Variants in LINGO2 observed in about 807,000 individuals in gnomAD.
LINGO2 encodes leucine rich repeat and Ig domain containing 2, also known as leucine-rich repeat and immunoglobulin-like domain-containing nogo receptor-interacting protein 2.
In LINGO2, 14 loss-of-function variants were observed where a neutral mutation model predicts 30.6. The observed-to-expected ratio is 0.46, with a 90% confidence interval of 0.30 to 0.72. The LOEUF (loss-of-function observed/expected upper bound fraction) is 0.72. Among genes scored for constraint, LINGO2 ranks in the 30% least tolerant of loss-of-function variants. The probability of loss-of-function intolerance (pLI) is 0.07; values close to 1 mark genes in which losing one functional copy is unlikely to be tolerated. For synonymous variants in LINGO2, 317 were observed against 288.5 expected (o/e 1.10, Z -1.00); for missense variants, 729 against 751.7 (o/e 0.97, Z 0.35).
At chr9:28,211,170 CA>C (rs1250287394) in intron 4 of LINGO2, among the ~76,000 whole-genome samples, 2 of 151,480 alleles carry the variant, frequency 1.3e-5, no homozygotes, top group Non-Finnish European at 3.0e-5. Context: ...ATGGACTATA[CA>C]AATATACACT....
intron 4 of LINGO2, among the ~76,000 whole-genome samples, chr9:28,192,093 C>A (rs1428249295): frequency 2.0e-5 from 3 of 151,972 alleles, no homozygotes; most frequent in African/African-American, 7.2e-5. Context: ...TATAGACAAA[C>A]CTAAACTCTT....
At chr9:29,144,050 G>A in the LINGO2 span, among the ~76,000 whole-genome samples, 3 of 152,058 alleles carry the variant, frequency 2.0e-5, no homozygotes, top group African/African-American at 7.2e-5. Flanking sequence ...GCTTGTTTTG[G>A]TCAGATTCGT....
rs78889752 is a variant in LINGO2, at chr9:28,646,703, A to G, written c.-365+23497T>C. ...CTCCAGGTCTCCATTGTGATTAAGCAATAATTTCTTATGAAATGTCACCTT... is the reference window on the plus strand; with the variant it reads ...CTCCAGGTCTCCATTGTGATTAAGCGATAATTTCTTATGAAATGTCACCTT... On this transcript the variant is annotated intron_variant, in intron 1 of 5. Transcript: ENST00000379992. Among the ~76,000 whole-genome samples, 1,409 of 152,218 alleles carry G rather than the reference A, an allele frequency of 9.3e-3. 21 individuals are homozygous for G. Among genetic ancestry groups the G allele is most frequent in the South Asian group, 0.018 (89 of 4,818 alleles).
chr9:29,090,179 C>A, the LINGO2 span, among the ~76,000 whole-genome samples: 4 of 152,014 alleles, frequency 2.6e-5, no homozygotes, highest in East Asian at 1.9e-4. Flanking sequence ...GCTAATATAA[C>A]CCCTGCTTGC....
intron 5 of LINGO2, among the ~76,000 whole-genome samples, chr9:28,003,648 A>G (rs1822101425): frequency 6.6e-6 from 1 of 152,228 alleles, no homozygotes; most frequent in South Asian, 2.1e-4. Flanking sequence ...TTTTTAGTAG[A>G]AACGGGGTTT....
At chr9:28,675,924 TACATAC>T in the LINGO2 span, among the ~76,000 whole-genome samples, 4 of 137,736 alleles carry the variant, frequency 2.9e-5, no homozygotes, top group African/African-American at 8.3e-5. Context: ...TATATATATA[TACATAC>T]ACACACACAC....
chr9:28,034,451 C>T (rs1046865856), intron 4 of LINGO2, among the ~76,000 whole-genome samples: 5 of 152,180 alleles, frequency 3.3e-5, no homozygotes, highest in Middle Eastern at 3.4e-3. Context: ...TTGGAGGTTT[C>T]GCACATATTC....
chr9:28,036,184 T>C (rs544927238), intron 4 of LINGO2, among the ~76,000 whole-genome samples: 6 of 152,328 alleles, frequency 3.9e-5, no homozygotes, highest in African/African-American at 1.4e-4. Flanking sequence ...GCTCACCATT[T>C]GTAGGTGAAA....
chr9:29,035,553 C>G, the LINGO2 span, among the ~76,000 whole-genome samples: 1 of 87,046 alleles, frequency 1.1e-5, no homozygotes, highest in African/African-American at 4.4e-5. Flanking sequence ...AAGGTACATT[C>G]CTTCTTCCAG....
intron 2 of LINGO2, among the ~76,000 whole-genome samples, chr9:28,465,345 C>A (rs1005674466): frequency 2.0e-5 from 3 of 152,166 alleles, no homozygotes; most frequent in Admixed American, 2.0e-4. Context: ...CGGCTGAACT[C>A]CTCTCTGACC....
At chr9:28,601,404 A>C (rs766966215) in intron 1 of LINGO2, among the ~76,000 whole-genome samples, 2 of 152,150 alleles carry the variant, frequency 1.3e-5, no homozygotes, top group Non-Finnish European at 2.9e-5. Context: ...GGCCAAGTTG[A>C]TTTACTTCTG....
Position 28,371,483 on chromosome 9 carries a change from C to T in LINGO2, c.-246+1353G>A, listed in dbSNP as rs1820893770. ...AGAGGGGCAAGGTAACTCCCTTGGG[C>T]CTCTTTTATAAGGGCACTAATCCCT... On this transcript the variant is annotated intron_variant, in intron 3 of 5. Transcript: ENST00000379992. 5.9e-5 allele frequency among the ~76,000 whole-genome samples: 9 copies of T among 152,148 alleles called. 1 individual carries two copies. The highest frequency in any genetic ancestry group is 5.9e-4 in the Admixed American group (9 of 15,272).
intron 1 of LINGO2, among the ~76,000 whole-genome samples, chr9:28,641,560 A>C (rs1017637594): frequency 1.3e-5 from 2 of 152,172 alleles, no homozygotes; most frequent in Non-Finnish European, 1.5e-5. Flanking sequence ...AGATTGAGCA[A>C]TTGACTTTTG....
At chr9:27,996,549 G>A (rs1821671082) in intron 5 of LINGO2, among the ~76,000 whole-genome samples, 1 of 152,150 alleles carries the variant, frequency 6.6e-6, no homozygotes, top group Admixed American at 6.5e-5. Context: ...AATCTCTCAT[G>A]TGCAAATTAT....
intron 1 of LINGO2, among the ~76,000 whole-genome samples, chr9:28,496,463 T>G (rs1050479730): frequency 1.3e-5 from 2 of 150,964 alleles, no homozygotes; most frequent in African/African-American, 5.0e-5. Flanking sequence ...GTCTGTTTTA[T>G]CAGATACTAG....
intron 4 of LINGO2, among the ~76,000 whole-genome samples, chr9:28,145,309 A>T (rs1231810434): frequency 6.6e-6 from 1 of 152,194 alleles, no homozygotes; most frequent in Non-Finnish European, 1.5e-5. Flanking sequence ...GACACATGGG[A>T]TAATTTGTAG....
chr9:28,782,112 A>AAT, the LINGO2 span, among the ~76,000 whole-genome samples: 214 of 152,128 alleles, frequency 1.4e-3, no homozygotes, highest in Non-Finnish European at 2.4e-3. Context: ...TTTGTTTAAA[A>AAT]ATATATATAT....
the LINGO2 span, among the ~76,000 whole-genome samples, chr9:28,912,768 A>G: frequency 6.6e-6 from 1 of 152,162 alleles, no homozygotes; most frequent in Non-Finnish European, 1.5e-5. Context: ...AATATATTTC[A>G]TGCTTAGACC....
At chr9:28,446,477 C>T (rs1800482128) in intron 2 of LINGO2, among the ~76,000 whole-genome samples, 1 of 152,204 alleles carries the variant, frequency 6.6e-6, no homozygotes, top group Admixed American at 6.5e-5. Flanking sequence ...AACTATTATA[C>T]TTAATTAATA....
Sources: gnomAD v4.1 joint callset for allele counts (sites outside exome capture counted in the v4.1 genomes callset) on GRCh38, gnomAD v4.1.1 for gene constraint, MANE v1.5 for transcripts, NCBI Gene and HGNC (gene_info 2026-07-23, HGNC 2026-07-21) for gene names.